Variants in MIPEP observed in about 807,000 individuals in gnomAD.
MIPEP encodes the protein mitochondrial intermediate peptidase.
Under a neutral mutation model 90.3 loss-of-function variants are expected in MIPEP, and 79 were observed. That is an observed-to-expected ratio of 0.87 (90% CI 0.73 to 1.05). The LOEUF (loss-of-function observed/expected upper bound fraction) is 1.05, where lower values mean the gene tolerates loss of function less well. MIPEP is among the 50% of genes least tolerant of loss of function. The pLI is 0.00. For missense variants in MIPEP, 940 were observed against 905.6 expected (o/e 1.04, Z -0.49); for synonymous variants, 334 against 315.8 (o/e 1.06, Z -0.61).
intron 14 of MIPEP, among the ~76,000 whole-genome samples, chr13:23,816,853 T>C (rs1953245508): frequency 6.6e-6 from 1 of 152,164 alleles, no homozygotes; most frequent in Non-Finnish European, 1.5e-5. Flanking sequence ...ACTCCTCCAG[T>C]ATCAGGGCCC....
In MIPEP at chr13:23,889,223, G is replaced by A. The variant is rs1241434872; in HGVS notation, c.98C>T (p.Ala33Val). ...GRGSLEAGIRARRVSTSWSPV... is the reference protein window; with the variant it reads ...GRGSLEAGIRVRRVSTSWSPV... ...AGACCAGCTGGTGCTGACCCTTCGG[G>A]CCCGGATCCCGGCTTCGAGGCTTCC... Residue 33 changes from alanine (A) to valine (V), a missense_variant, in exon 1 of 19, where the codon GCC becomes GTC. Transcript: ENST00000382172. The A allele has an allele frequency of 7.0e-7, 1 of 1,420,494 alleles. No individual in the cohort carries two copies. Among genetic ancestry groups the A allele is most frequent in the Non-Finnish European group, 9.2e-7 (1 of 1,088,794 alleles). The allele number at this position is 1,420,494 out of a possible 1,614,324, so 88.0% of individuals were successfully genotyped here.
At chr13:23,866,627 C>T (rs1477931360) in intron 7 of MIPEP, among the ~76,000 whole-genome samples, 3 of 152,158 alleles carry the variant, frequency 2.0e-5, no homozygotes, top group East Asian at 1.9e-4. Context: ...CCTTAGTGGC[C>T]GTTACATCTG....
At chr13:23,738,451 T>G (rs1362283227) in intron 18 of MIPEP, among the ~76,000 whole-genome samples, 2 of 151,026 alleles carry the variant, frequency 1.3e-5, no homozygotes, top group East Asian at 3.9e-4. Context: ...TTACTGAGTT[T>G]TTTTTTTTTT....
At chr13:23,819,677 A>C (rs1490700727) in intron 14 of MIPEP, among the ~76,000 whole-genome samples, 5 of 152,250 alleles carry the variant, frequency 3.3e-5, no homozygotes, top group Admixed American at 1.3e-4. Flanking sequence ...ATTTGGTCTG[A>C]AATACAGCGT....
chr13:23,741,662 T>C (rs1333275573), intron 18 of MIPEP, among the ~76,000 whole-genome samples: 4 of 150,830 alleles, frequency 2.7e-5, no homozygotes, highest in African/African-American at 9.8e-5. Flanking sequence ...CGCTGACGCC[T>C]ATGTGAGTGT....
intron 16 of MIPEP, among the ~76,000 whole-genome samples, chr13:23,776,088 A>ACCC (rs999223758): frequency 6.6e-6 from 1 of 151,722 alleles, no homozygotes; most frequent in Non-Finnish European, 1.5e-5. Flanking sequence ...CAATCTCTGT[A>ACCC]CCCCCCATCT....
intron 7 of MIPEP, among the ~76,000 whole-genome samples, chr13:23,865,412 C>A (rs1051216629): frequency 1.3e-5 from 2 of 152,198 alleles, no homozygotes; most frequent in African/African-American, 4.8e-5. Flanking sequence ...CAATACTTAA[C>A]AAGTCCTGTG....
intron 16 of MIPEP, among the ~76,000 whole-genome samples, chr13:23,776,443 A>G (rs1383381584): frequency 6.6e-6 from 1 of 152,178 alleles, no homozygotes; most frequent in Non-Finnish European, 1.5e-5. Context: ...GCCCAGATTA[A>G]TGGTCATTTC....
At chr13:23,864,315 G>A (rs929998116) in intron 7 of MIPEP, 126 bp from the exon 8 acceptor site, 11 of 674,516 alleles carry the variant, frequency 1.6e-5, no homozygotes, top group African/African-American at 3.8e-5. Flanking sequence ...ATTTTCAAAG[G>A]GAAGTAGAGC....
At chr13:23,830,905 C>T (rs1222000572) in intron 14 of MIPEP, among the ~76,000 whole-genome samples, 1 of 152,166 alleles carries the variant, frequency 6.6e-6, no homozygotes, top group African/African-American at 2.4e-5. Context: ...GGACTGGCAG[C>T]CCAGCTCCAG....
At chr13:23,841,296 T>TA (rs1869283883) in intron 11 of MIPEP, 39 bp downstream of exon 11, 3 of 1,575,670 alleles carry the variant, frequency 1.9e-6, no homozygotes, top group Middle Eastern at 1.7e-4. Context: ...AACCGAAAGG[T>TA]AAATGCCTGC....
chr13:23,773,476 C>T (rs1263795282), intron 16 of MIPEP, among the ~76,000 whole-genome samples: 1 of 152,116 alleles, frequency 6.6e-6, no homozygotes, highest in Non-Finnish European at 1.5e-5. Context: ...GAGTTCCCTA[C>T]CACCTGGGAG....
intron 16 of MIPEP, among the ~76,000 whole-genome samples, chr13:23,781,625 G>A (rs1952782974): frequency 6.9e-6 from 1 of 145,686 alleles, no homozygotes; most frequent in African/African-American, 2.4e-5. Context: ...AAATGTAAAT[G>A]GGCTAAATGC....
At chr13:23,777,903 C>T (rs1952735708) in intron 16 of MIPEP, among the ~76,000 whole-genome samples, 1 of 152,082 alleles carries the variant, frequency 6.6e-6, no homozygotes, top group African/African-American at 2.4e-5. Flanking sequence ...TCAATCAGGA[C>T]AGAGTGTTCA....
chr13:23,731,268 C>G (rs983830854), intron 18 of MIPEP, among the ~76,000 whole-genome samples: 1 of 152,134 alleles, frequency 6.6e-6, no homozygotes, highest in Non-Finnish European at 1.5e-5. Flanking sequence ...AAAATCAAGG[C>G]ATTAAAAGAT....
intron 8 of MIPEP, among the ~76,000 whole-genome samples, chr13:23,862,903 T>C (rs901037596): frequency 2.0e-5 from 3 of 152,234 alleles, no homozygotes; most frequent in African/African-American, 7.2e-5. Flanking sequence ...TCTATAGCTA[T>C]GTAGAGAAAG....
intron 14 of MIPEP, among the ~76,000 whole-genome samples, chr13:23,829,463 C>G (rs1425179699): frequency 6.6e-6 from 1 of 151,890 alleles, no homozygotes; most frequent in Admixed American, 6.6e-5. Flanking sequence ...ACTATAAAGA[C>G]AAGATTGATA....
At chr13:23,820,414 C>T (rs571444199) in intron 14 of MIPEP, among the ~76,000 whole-genome samples, 3 of 152,182 alleles carry the variant, frequency 2.0e-5, no homozygotes, top group African/African-American at 7.2e-5. Context: ...TATTTGAGCA[C>T]AGAACACCTG....
At chr13:23,888,932 G>C in intron 1 of MIPEP, 200 bp downstream of exon 1, 1 of 529,656 alleles carries the variant, frequency 1.9e-6, no homozygotes. Flanking sequence ...ACTCTGGGTA[G>C]GAGACCACTA....
Sources: gnomAD v4.1 joint callset for allele counts (sites outside exome capture counted in the v4.1 genomes callset) on GRCh38, gnomAD v4.1.1 for gene constraint, MANE v1.5 for transcripts, NCBI Gene and HGNC (gene_info 2026-07-23, HGNC 2026-07-21) for gene names.